Variants in SLC1A7 observed in about 807,000 individuals in gnomAD.
SLC1A7 encodes the protein solute carrier family 1 member 7.
SLC1A7 carries 40 observed loss-of-function variants against 47.7 expected under a neutral mutation model. The ratio of observed to expected loss-of-function variants is 0.84; its 90% CI spans 0.65 to 1.09. The LOEUF is 1.09. SLC1A7 is among the 50% of genes least tolerant of loss of function. SLC1A7 has a pLI of 0.00. For synonymous variants in SLC1A7, 323 were observed against 325.6 expected (o/e 0.99, Z 0.09); for missense variants, 746 against 769.5 (o/e 0.97, Z 0.36).
chr1:53,091,004 T>G (rs1340775138), intron 7 of SLC1A7, 198 bp from the exon 8 acceptor site: 1 of 1,452,686 alleles, frequency 6.9e-7, no homozygotes, highest in Middle Eastern at 1.8e-4. Context: ...GGTGTTTGGG[T>G]GCATTTTACA....
intron 3 of SLC1A7, chr1:53,108,222 C>T (rs1644665379): frequency 8.3e-6 from 2 of 239,936 alleles, no homozygotes; most frequent in South Asian, 5.7e-5. Flanking sequence ...ACTGCCTCCA[C>T]CTGGGTCGCC....
At chr1:53,120,415 C>CT (rs1644806402) in intron 2 of SLC1A7, among the ~76,000 whole-genome samples, 1 of 152,204 alleles carries the variant, frequency 6.6e-6, no homozygotes, top group African/African-American at 2.4e-5. Flanking sequence ...CCGGATGCCC[C>CT]TCCCCCAGTT....
intron 2 of SLC1A7, among the ~76,000 whole-genome samples, chr1:53,132,474 G>T (rs1243905921): frequency 6.6e-6 from 1 of 152,160 alleles, no homozygotes; most frequent in Admixed American, 6.5e-5. Context: ...CCTGGGTGAT[G>T]GAGCTGCCAT....
At chr1:53,137,317 A>G (rs1344024949) in intron 1 of SLC1A7, among the ~76,000 whole-genome samples, 1 of 142,064 alleles carries the variant, frequency 7.0e-6, no homozygotes, top group Non-Finnish European at 1.5e-5. Flanking sequence ...ACTGATAAAA[A>G]GGCAGCTCTT....
chr1:53,128,441 C>T lies in SLC1A7; in HGVS notation c.215+5909G>A, dbSNP rs1421992076. Reference sequence around the variant, plus strand: ...ACAGTGAGCTGTGGTCATGCCACTGCACTCCAGCCTGAGGGACAGAGTAAG... The same window carrying T: ...ACAGTGAGCTGTGGTCATGCCACTGTACTCCAGCCTGAGGGACAGAGTAAG... On this transcript the variant is annotated intron_variant, in intron 2 of 10. Transcript: ENST00000371494. 3.2e-5 allele frequency among the ~76,000 whole-genome samples: 3 copies of T among 94,712 alleles called. 1 individual carries two copies. Among genetic ancestry groups the T allele is most frequent in the Non-Finnish European group, 7.1e-5 (3 of 42,286 alleles). 62.1% of individuals were successfully genotyped at this position (94,712 alleles called of 152,430 possible). A position where few individuals can be genotyped will look rare whatever the true frequency, so the allele number is the denominator to read the frequency against.
At chr1:53,142,052 A>G (rs1288365) in intron 1 of SLC1A7, among the ~76,000 whole-genome samples, 149,957 of 152,236 alleles carry the variant, frequency 0.99, 73,885 homozygotes, top group Middle Eastern at 1. Flanking sequence ...TGTGTTTGTC[A>G]TCATGAGGCA....
At chr1:53,115,922 G>C (rs577815168) in intron 2 of SLC1A7, 3 of 152,184 alleles carry the variant, frequency 2.0e-5, no homozygotes, top group Non-Finnish European at 2.9e-5. Flanking sequence ...CAGCCATTGT[G>C]GGGGGTGTGG....
intron 2 of SLC1A7, among the ~76,000 whole-genome samples, chr1:53,122,221 A>T (rs1290818140): frequency 6.6e-6 from 1 of 152,112 alleles, no homozygotes; most frequent in Non-Finnish European, 1.5e-5. Context: ...GTCACACAAT[A>T]AGTGGGTTCA....
chr1:53,114,198 G>T (rs987940926), intron 3 of SLC1A7, among the ~76,000 whole-genome samples: 1 of 152,192 alleles, frequency 6.6e-6, no homozygotes, highest in Non-Finnish European at 1.5e-5. Flanking sequence ...TGGCTGTGCC[G>T]CTGGGTCTGC....
At chr1:53,088,829 C>G (rs148824028) in intron 10 of SLC1A7, 48 bp downstream of exon 10, 2 of 1,483,836 alleles carry the variant, frequency 1.3e-6, no homozygotes, top group African/African-American at 1.4e-5. Flanking sequence ...CCTGCCCACC[C>G]TGCGTGGCTC....
chr1:53,138,379 T>A (rs1158772187), intron 1 of SLC1A7, among the ~76,000 whole-genome samples: 2 of 152,214 alleles, frequency 1.3e-5, no homozygotes, highest in Non-Finnish European at 2.9e-5. Context: ...CTGTTTCTCC[T>A]CTATTTTTCT....
Position 53,092,972 on chromosome 1 carries a change from C to T in SLC1A7, c.798-185G>A, listed in dbSNP as rs527246429. Among the ~76,000 whole-genome samples the T allele has an allele frequency of 8.5e-5, 13 of 152,256 alleles. No individual in the cohort carries two copies. The East Asian group carries it at 2.5e-3, about 29-fold the overall frequency. ...TCCTTCATACCGTTACTTCCACCGC[C>T]CCAGCTCCAGACAACCTCTGCCACT... is the stretch of plus-strand genomic sequence containing the variant. On this transcript the variant is annotated intron_variant, in intron 6 of 10. Coordinates refer to ENST00000371494, the MANE Select transcript of SLC1A7 (RefSeq NM_006671.6).
At chr1:53,118,225 G>A (rs969565395) in intron 2 of SLC1A7, among the ~76,000 whole-genome samples, 3 of 152,268 alleles carry the variant, frequency 2.0e-5, no homozygotes, top group Non-Finnish European at 4.4e-5. Context: ...GCTGTTAAAG[G>A]TGACTTTTCT....
chr1:53,098,199 C>G (rs1334432245), intron 5 of SLC1A7, among the ~76,000 whole-genome samples: 1 of 150,964 alleles, frequency 6.6e-6, no homozygotes, highest in Non-Finnish European at 1.5e-5. Flanking sequence ...CCTCAATACA[C>G]AAACATGCCC....
At chr1:53,134,267 A>C in intron 2 of SLC1A7, 83 bp downstream of exon 2, 1 of 989,228 alleles carries the variant, frequency 1.0e-6, no homozygotes. Flanking sequence ...CTCTCCAGCC[A>C]CCCACAGCAG....
intron 5 of SLC1A7, among the ~76,000 whole-genome samples, chr1:53,100,009 A>T (rs1572309483): frequency 6.9e-6 from 1 of 144,482 alleles, no homozygotes; most frequent in African/African-American, 2.8e-5. Context: ...GTACACTCAC[A>T]CACCTTGTCT....
At chr1:53,123,622 G>A (rs968816687) in intron 2 of SLC1A7, among the ~76,000 whole-genome samples, 6 of 152,218 alleles carry the variant, frequency 3.9e-5, no homozygotes, top group Non-Finnish European at 5.9e-5. Context: ...CCAGCCCTCC[G>A]GGCATCGGGC....
chr1:53,105,660 C>T (rs1236809071), intron 4 of SLC1A7, 72 bp downstream of exon 4: 2 of 1,170,742 alleles, frequency 1.7e-6, no homozygotes, highest in East Asian at 2.3e-5. Flanking sequence ...CCCAGCCATG[C>T]CACTAGCCCT....
At chr1:53,139,678 G>A in intron 1 of SLC1A7, among the ~76,000 whole-genome samples, 1 of 152,190 alleles carries the variant, frequency 6.6e-6, no homozygotes, top group East Asian at 1.9e-4. Context: ...AACTTCCACA[G>A]ACTAAGATTC....
Sources: allele counts gnomAD v4.1 joint callset (sites outside exome capture counted in the v4.1 genomes callset), GRCh38; gene constraint gnomAD v4.1.1; transcripts MANE v1.5; gene names NCBI Gene and HGNC (gene_info 2026-07-23, HGNC 2026-07-21).